LMX1A: variants seen among roughly 807,000 people sequenced by gnomAD.
The protein encoded by LMX1A is LIM homeobox transcription factor 1-alpha.
A neutral mutation model predicts 49.1 loss-of-function variants in LMX1A; 15 were observed. The ratio of observed to expected loss-of-function variants is 0.31; its 90% CI spans 0.20 to 0.47. The LOEUF (loss-of-function observed/expected upper bound fraction) is 0.47, where lower values mean the gene tolerates loss of function less well. Among genes scored for constraint, LMX1A ranks in the 20% least tolerant of loss-of-function variants. The pLI is 1.00. For missense variants in LMX1A, 372 were observed against 475.8 expected (o/e 0.78, Z 2.03); for synonymous variants, 167 against 185.7 (o/e 0.90, Z 0.82).
Position 165,309,341 on chromosome 1 carries a change from A to G in LMX1A, c.263+43735T>C, listed in dbSNP as rs141479586. ...CTTTAATAACAAAAACCTGGCAGGG[A>G]AGGCACCTCTGCCTAGCAAGAGCCC... On this transcript the variant is annotated intron_variant, in intron 3 of 8. Transcript: ENST00000342310. Among the ~76,000 whole-genome samples, 428 of 152,316 alleles carry G rather than the reference A, an allele frequency of 2.8e-3. 2 individuals are homozygous for G. The highest frequency in any genetic ancestry group is 9.8e-3 in the African/African-American group (408 of 41,566).
At chr1:165,270,518 G>A (rs1653762767) in intron 3 of LMX1A, among the ~76,000 whole-genome samples, 1 of 152,226 alleles carries the variant, frequency 6.6e-6, no homozygotes, top group South Asian at 2.1e-4. Flanking sequence ...CCTAGAATGA[G>A]CAAGGGTGTA....
chr1:165,260,333 G>GGTGT (rs3038100), intron 3 of LMX1A, among the ~76,000 whole-genome samples: 6 of 151,242 alleles, frequency 4.0e-5, no homozygotes, highest in African/African-American at 1.5e-4. Context: ...TATATTTCCT[G>GGTGT]GTGTGTGTGT....
At position 165,203,780 on chromosome 1, in the gene LMX1A, A is replaced by G. The variant is rs1295154001; in HGVS notation, c.*100T>C. 5 of 1,154,876 alleles carry G rather than the reference A, an allele frequency of 4.3e-6. No individual in the cohort carries two copies. Among genetic ancestry groups the G allele is most frequent in the Non-Finnish European group, 6.3e-6 (5 of 792,426 alleles). The allele number at this position is 1,154,876 out of a possible 1,614,324, so 71.5% of individuals were successfully genotyped here. A position where few individuals can be genotyped will look rare whatever the true frequency, so the allele number is the denominator to read the frequency against. Reference sequence around the variant, plus strand: ...CATCCCCAACAAAACTCCCTCCCCAACCCACCTCTTCCCTGGCCTCCCTGT... The same window carrying G: ...CATCCCCAACAAAACTCCCTCCCCAGCCCACCTCTTCCCTGGCCTCCCTGT... On this transcript the variant is annotated 3_prime_UTR_variant, in exon 9 of 9. Transcript: ENST00000342310.
chr1:165,283,076 A>C (rs58462518), intron 3 of LMX1A, among the ~76,000 whole-genome samples: 53,254 of 152,130 alleles, frequency 0.35, 9,395 homozygotes, highest in Admixed American at 0.38. Context: ...TAGTCATATG[A>C]TGAATAAAGA....
chr1:165,330,815 GAC>G (rs1164046297), intron 3 of LMX1A, among the ~76,000 whole-genome samples: 3 of 152,160 alleles, frequency 2.0e-5, no homozygotes, highest in African/African-American at 7.2e-5. Context: ...AACCTGGAAA[GAC>G]ACAGAGAAGA....
At chr1:165,350,122 C>T (rs1656377647) in intron 3 of LMX1A, among the ~76,000 whole-genome samples, 1 of 142,050 alleles carries the variant, frequency 7.0e-6, no homozygotes, top group Non-Finnish European at 1.5e-5. Context: ...ACTTTCACCT[C>T]ATTTTCTTCC....
At chr1:165,263,862 T>C (rs975895518) in intron 3 of LMX1A, among the ~76,000 whole-genome samples, 1 of 152,258 alleles carries the variant, frequency 6.6e-6, no homozygotes, top group African/African-American at 2.4e-5. Context: ...GGGGTTGTCC[T>C]CATCAAATGG....
At position 165,257,440 on chromosome 1, in the gene LMX1A, T is replaced by TTA. The variant is rs575858684; in HGVS notation, c.264-7801_264-7800insTA. Reference sequence around the variant, plus strand: ...ATGTAGGTAGGTGAAAGGCAGGAGTTAAAAAAAAAAGTTGATCCCTTGAGG... The same window carrying TTA: ...ATGTAGGTAGGTGAAAGGCAGGAGTTTAAAAAAAAAAAGTTGATCCCTTGAGG... On this transcript the variant is annotated intron_variant, in intron 3 of 8. Coordinates refer to ENST00000342310, the MANE Select transcript of LMX1A (RefSeq NM_177398.4). Among the ~76,000 whole-genome samples, 139 of 149,640 alleles carry TTA rather than the reference T, an allele frequency of 9.3e-4. 1 individual carries two copies. The highest frequency in any genetic ancestry group is 3.2e-3 in the African/African-American group (131 of 40,838).
chr1:165,335,391 T>G (rs902617488), intron 3 of LMX1A, among the ~76,000 whole-genome samples: 1 of 152,182 alleles, frequency 6.6e-6, no homozygotes, highest in Non-Finnish European at 1.5e-5. Context: ...AAATTAATAA[T>G]AACAAATGGA....
chr1:165,339,633 C>A (rs1373812156), intron 3 of LMX1A, among the ~76,000 whole-genome samples: 1 of 152,220 alleles, frequency 6.6e-6, no homozygotes, highest in Non-Finnish European at 1.5e-5. Context: ...CTCTCACCTA[C>A]TGAGAGGCCT....
chr1:165,206,798 C>T (rs940794797), intron 7 of LMX1A, among the ~76,000 whole-genome samples: 7 of 152,174 alleles, frequency 4.6e-5, no homozygotes, highest in African/African-American at 1.2e-4. Context: ...TAACCAGCTT[C>T]CTGCTCCACC....
At chr1:165,321,787 C>T (rs1372692945) in intron 3 of LMX1A, among the ~76,000 whole-genome samples, 2 of 152,058 alleles carry the variant, frequency 1.3e-5, no homozygotes, top group Non-Finnish European at 2.9e-5. Flanking sequence ...AACTTTTCTG[C>T]ATCGAAAGAC....
chr1:165,237,528 A>C (rs1304442721), intron 4 of LMX1A, among the ~76,000 whole-genome samples: 1 of 152,038 alleles, frequency 6.6e-6, no homozygotes, highest in Non-Finnish European at 1.5e-5. Flanking sequence ...CACCTAGCAC[A>C]CCCATGCACA....
chr1:165,300,379 G>A (rs1654744828), intron 3 of LMX1A, among the ~76,000 whole-genome samples: 1 of 152,174 alleles, frequency 6.6e-6, no homozygotes, highest in Admixed American at 6.5e-5. Flanking sequence ...CCTCAACAGA[G>A]TTGCTCAGAC....
rs1211047570 is a variant in LMX1A, at chr1:165,355,657, G to C, written c.-22-76C>G. On this transcript the variant is annotated intron_variant, in intron 1 of 8. Transcript: ENST00000342310. The surrounding 1 kb of genome is among the most constrained non-coding windows in gnomAD (Gnocchi z 4.7). ...GGCGCCAGCAGCCACCGCACTCCTGGGAAAGAACTGAGGGAGTGTCCAGGG... is the reference window on the plus strand; with the variant it reads ...GGCGCCAGCAGCCACCGCACTCCTGCGAAAGAACTGAGGGAGTGTCCAGGG... 1 of 1,111,914 alleles carries C rather than the reference G, an allele frequency of 9.0e-7. No homozygotes were observed. Among genetic ancestry groups the C allele is most frequent in the African/African-American group, 1.5e-5 (1 of 64,938 alleles). The allele number at this position is 1,111,914 out of a possible 1,614,324, so 68.9% of individuals were successfully genotyped here.
At chr1:165,235,951 AG>A (rs1312547626) in intron 4 of LMX1A, among the ~76,000 whole-genome samples, 7 of 151,780 alleles carry the variant, frequency 4.6e-5, no homozygotes, top group African/African-American at 1.7e-4. Context: ...CTTTGAAGAC[AG>A]GGCCGAATGC....
rs1651354405 is a variant in LMX1A, at chr1:165,210,873, A to G, written c.670-97T>C. The stretch of plus-strand genomic sequence containing the variant: ...ATACTTGAGGAGGCCAAAAGACTGT[A>G]TCTGCTTTAGGAGCTGAATAGTTTT... On this transcript the variant is annotated intron_variant, in intron 5 of 8. Coordinates refer to ENST00000342310, the MANE Select transcript of LMX1A (RefSeq NM_177398.4). The G allele has an allele frequency of 9.4e-6, 7 of 740,930 alleles. No homozygotes were observed. In the Admixed American group the frequency reaches 1.8e-4, roughly 19 times the overall value. The allele number at this position is 740,930 out of a possible 1,614,324, so 45.9% of individuals were successfully genotyped here.
intron 4 of LMX1A, among the ~76,000 whole-genome samples, chr1:165,240,606 G>C (rs1208099221): frequency 1.3e-5 from 2 of 152,190 alleles, no homozygotes; most frequent in African/African-American, 4.8e-5. Flanking sequence ...TGAATTAAAG[G>C]TTGGTCAGGT....
At chr1:165,336,933 CTA>C (rs1336050860) in intron 3 of LMX1A, among the ~76,000 whole-genome samples, 1 of 152,110 alleles carries the variant, frequency 6.6e-6, no homozygotes, top group Non-Finnish European at 1.5e-5. Context: ...AAAAGAGAAA[CTA>C]TGCAGAAATT....
Sources: allele counts gnomAD v4.1 joint callset (sites outside exome capture counted in the v4.1 genomes callset), GRCh38; gene constraint gnomAD v4.1.1; non-coding constraint Gnocchi (gnomAD v3.1); transcripts MANE v1.5; gene names NCBI Gene and HGNC (gene_info 2026-07-23, HGNC 2026-07-21).